CDH12: variants seen among roughly 807,000 people sequenced by gnomAD.
CDH12 encodes the protein cadherin-12.
In CDH12, 41 loss-of-function variants were observed where a neutral mutation model predicts 74.1. The ratio of observed to expected loss-of-function variants is 0.55; its 90% confidence interval spans 0.43 to 0.72. The LOEUF (loss-of-function observed/expected upper bound fraction) is 0.72. Ranked by LOEUF, CDH12 falls within the 30% of genes least tolerant of loss-of-function variation. The pLI is 0.00. For synonymous variants in CDH12, 399 were observed against 355.0 expected (o/e 1.12, Z -1.39); for missense variants, 945 against 977.2 (o/e 0.97, Z 0.44).
chr5:22,059,367 CT>C (rs1297904674), intron 5 of CDH12, among the ~76,000 whole-genome samples: 1 of 131,336 alleles, frequency 7.6e-6, no homozygotes, highest in African/African-American at 4.2e-5. Flanking sequence ...ATCTATCTAT[CT>C]ATCTATCTAT....
chr5:22,554,647 T>C (rs1187692835), intron 1 of CDH12, among the ~76,000 whole-genome samples: 1 of 152,106 alleles, frequency 6.6e-6, no homozygotes, highest in East Asian at 1.9e-4. Flanking sequence ...TATGACTCAG[T>C]GTATCTTTGT....
chr5:22,227,013 T>C (rs2150372405), intron 3 of CDH12, among the ~76,000 whole-genome samples: 2 of 152,258 alleles, frequency 1.3e-5, no homozygotes, highest in South Asian at 4.1e-4. Flanking sequence ...TTTAAGATAA[T>C]ATTCATAGAT....
chr5:22,683,542 T>A (rs1225628004), intron 1 of CDH12, among the ~76,000 whole-genome samples: 1 of 152,168 alleles, frequency 6.6e-6, no homozygotes, highest in Non-Finnish European at 1.5e-5. Flanking sequence ...CACTGCAGTG[T>A]CATCAAACCC....
chr5:22,415,204 A>G (rs1743330953), intron 2 of CDH12, among the ~76,000 whole-genome samples: 1 of 149,768 alleles, frequency 6.7e-6, no homozygotes, highest in Non-Finnish European at 1.5e-5. Flanking sequence ...TAAAGAAATA[A>G]TAAAGGGGAA....
At position 21,880,675 on chromosome 5, in the gene CDH12, C is replaced by G. The variant is rs546457108; in HGVS notation, c.527-25885G>C. On this transcript the variant is annotated intron_variant, in intron 6 of 14. Coordinates refer to ENST00000382254, the MANE Select transcript of CDH12 (RefSeq NM_004061.5). ...TCTTTCTTTCTTTCTTTCTTTCTTT[C>G]TTTCTTTCTTTCTTTCTCTTTTCTC... Among the ~76,000 whole-genome samples the G allele has an allele frequency of 2.6e-5, 3 of 115,886 alleles. No homozygotes were observed. In the South Asian group the frequency reaches 8.5e-4, roughly 33 times the overall value. The allele number at this position is 115,886 out of a possible 152,430, so 76.0% of individuals were successfully genotyped here. A position where few individuals can be genotyped will look rare whatever the true frequency, so the allele number is the denominator to read the frequency against.
chr5:22,675,870 C>CATATATATATATATATATATAT (rs144687047), intron 1 of CDH12, among the ~76,000 whole-genome samples: 4,173 of 91,708 alleles, frequency 0.046, 381 homozygotes, highest in African/African-American at 0.054. Flanking sequence ...TTTTGTATCT[C>CATATATATATATATATATATAT]ATATATATAT....
chr5:21,972,576 G>A (rs4028711), intron 6 of CDH12, among the ~76,000 whole-genome samples: 3 of 152,186 alleles, frequency 2.0e-5, no homozygotes, highest in African/African-American at 7.2e-5. Context: ...AATGGGGTTC[G>A]AGTACTCTAG....
chr5:21,770,927 G>A (rs1464728142), intron 11 of CDH12, among the ~76,000 whole-genome samples: 1 of 152,138 alleles, frequency 6.6e-6, no homozygotes, highest in Non-Finnish European at 1.5e-5. Flanking sequence ...GGGTGGAGCT[G>A]GAGGCCATTA....
chr5:22,544,685 C>T (rs1007911496), intron 1 of CDH12, among the ~76,000 whole-genome samples: 7 of 151,986 alleles, frequency 4.6e-5, no homozygotes, highest in African/African-American at 1.7e-4. Context: ...GGTGCAGTGG[C>T]ACACGCCTGT....
chr5:22,525,893 A>G (rs144559722), intron 1 of CDH12, among the ~76,000 whole-genome samples: 1 of 152,216 alleles, frequency 6.6e-6, no homozygotes, highest in East Asian at 1.9e-4. Context: ...TATAGTGAGG[A>G]TTACCAAATC....
chr5:22,748,939 T>C (rs922726487), intron 1 of CDH12, among the ~76,000 whole-genome samples: 2 of 152,132 alleles, frequency 1.3e-5, no homozygotes, highest in Admixed American at 6.5e-5. Flanking sequence ...TACCTGTCCT[T>C]GAAACTCACT....
chr5:22,803,030 CCT>C (rs1002921123), intron 1 of CDH12, among the ~76,000 whole-genome samples: 36 of 152,090 alleles, frequency 2.4e-4, no homozygotes, highest in African/African-American at 8.0e-4. Context: ...ATGAATATTT[CCT>C]CTCAGCTCCT....
At chr5:22,643,989 T>G (rs1160833742) in intron 1 of CDH12, among the ~76,000 whole-genome samples, 1 of 152,024 alleles carries the variant, frequency 6.6e-6, no homozygotes, top group Admixed American at 6.6e-5. Flanking sequence ...CATAAGATGA[T>G]GAACTTAATT....
In CDH12 at chr5:22,496,269, T is replaced by C. The variant is rs560499433; in HGVS notation, c.-428+9001A>G. On this transcript the variant is annotated intron_variant, in intron 2 of 14. Coordinates refer to ENST00000382254, the MANE Select transcript of CDH12 (RefSeq NM_004061.5). ...ACCCTAAAAGGCCCAAAGGAGTCAA[T>C]GCTACTTTGTTAGTAACATGGTGAA... Among the ~76,000 whole-genome samples the C allele has an allele frequency of 4.6e-5, 7 of 152,296 alleles. No individual in the cohort carries two copies. In the South Asian group the frequency reaches 1.5e-3, roughly 32 times the overall value.
intron 5 of CDH12, among the ~76,000 whole-genome samples, chr5:22,015,802 G>A (rs1475945029): frequency 1.3e-5 from 2 of 152,076 alleles, no homozygotes; most frequent in African/African-American, 4.8e-5. Flanking sequence ...ACATTCATCT[G>A]GCTTAAAATA....
intron 2 of CDH12, among the ~76,000 whole-genome samples, chr5:22,427,472 A>C (rs1047914038): frequency 3.3e-5 from 5 of 152,142 alleles, no homozygotes; most frequent in Non-Finnish European, 7.4e-5. Flanking sequence ...GACCAAAAGG[A>C]ATACTTTTTA....
chr5:21,913,932 C>T (rs1020262192), intron 6 of CDH12, among the ~76,000 whole-genome samples: 4 of 152,094 alleles, frequency 2.6e-5, no homozygotes, highest in Non-Finnish European at 5.9e-5. Context: ...GACCTTCCTG[C>T]CTCAGTCTCC....
intron 5 of CDH12, among the ~76,000 whole-genome samples, chr5:22,070,175 C>T (rs745602764): frequency 6.6e-6 from 1 of 152,024 alleles, no homozygotes; most frequent in Non-Finnish European, 1.5e-5. Context: ...ATTTAAAAAT[C>T]GTTAATTTTA....
intron 6 of CDH12, among the ~76,000 whole-genome samples, chr5:21,861,257 C>T (rs35576500): frequency 0.073 from 11,028 of 151,514 alleles, 493 homozygotes; most frequent in East Asian, 0.15. Flanking sequence ...TACCCACTAA[C>T]CTGTATTTCA....
Sources: allele counts gnomAD v4.1 joint callset (sites outside exome capture counted in the v4.1 genomes callset), GRCh38; gene constraint gnomAD v4.1.1; transcripts MANE v1.5; gene names NCBI Gene and HGNC (gene_info 2026-07-23, HGNC 2026-07-21).